The following ANK2 variants were observed in gnomAD, a reference collection of about 807,000 sequenced individuals.
ANK2 encodes the protein ankyrin-2.
ANK2 carries 83 observed loss-of-function variants against 360.5 expected under a neutral mutation model. The ratio of observed to expected loss-of-function variants is 0.23; its 90% CI spans 0.19 to 0.28. The LOEUF (loss-of-function observed/expected upper bound fraction) is 0.28. Ranked by LOEUF, ANK2 falls within the 10% of genes least tolerant of loss-of-function variation. ANK2 has a pLI of 1.00. For synonymous variants in ANK2, 1,740 were observed against 1,759.5 expected, an observed-to-expected ratio of 0.99 and a Z score of 0.28; for missense variants, 4,201 against 4,795.7, an observed-to-expected ratio of 0.88 and a Z score of 3.66.
chr4:112,770,493 G>A, the ANK2 span, among the ~76,000 whole-genome samples: 1 of 152,216 alleles, frequency 6.6e-6, no homozygotes, highest in Admixed American at 6.5e-5. Flanking sequence ...ATCACCTGAT[G>A]TCAGGAGTTC....
chr4:113,347,587 T>C (rs1368110331), intron 35 of ANK2, among the ~76,000 whole-genome samples: 1 of 152,180 alleles, frequency 6.6e-6, no homozygotes, highest in Non-Finnish European at 1.5e-5. Context: ...CAGCTATTAA[T>C]GCTGTGATAG....
chr4:113,254,757 G>C (rs867120076), intron 10 of ANK2, among the ~76,000 whole-genome samples: 42 of 152,210 alleles, frequency 2.8e-4, no homozygotes, highest in African/African-American at 9.6e-4. Context: ...TATTGGGCGG[G>C]GGGCCTTTTC....
chr4:112,831,665 C>G (rs142900494), intron 1 of ANK2, among the ~76,000 whole-genome samples: 26 of 152,286 alleles, frequency 1.7e-4, no homozygotes, highest in African/African-American at 2.9e-4. Flanking sequence ...CAGCACTCCT[C>G]GGGTCCTCTT....
At chr4:112,991,428 C>T (rs1273623549) in intron 2 of ANK2, among the ~76,000 whole-genome samples, 1 of 151,874 alleles carries the variant, frequency 6.6e-6, no homozygotes, top group African/African-American at 2.4e-5. Context: ...GGCTTAAAAC[C>T]CAGAAATTTA....
intron 2 of ANK2, among the ~76,000 whole-genome samples, chr4:113,175,818 G>C (rs140228413): frequency 9.9e-5 from 15 of 152,270 alleles, no homozygotes; most frequent in African/African-American, 3.4e-4. Context: ...CTGGCATAAA[G>C]AGCATTGTCA....
At chr4:113,184,819 A>G (rs895609820) in intron 2 of ANK2, among the ~76,000 whole-genome samples, 12 of 152,020 alleles carry the variant, frequency 7.9e-5, no homozygotes, top group Non-Finnish European at 1.8e-4. Flanking sequence ...TCAACCCATC[A>G]TCTACATTAG....
intron 1 of ANK2, among the ~76,000 whole-genome samples, chr4:113,162,731 G>GTT (rs11348131): frequency 3.8e-5 from 5 of 133,104 alleles, no homozygotes; most frequent in African/African-American, 5.5e-5. Flanking sequence ...GTAGCTAAAG[G>GTT]TTTTTTTTTT....
At chr4:112,944,955 G>T (rs755675881) in intron 2 of ANK2, among the ~76,000 whole-genome samples, 3 of 152,218 alleles carry the variant, frequency 2.0e-5, no homozygotes, top group Admixed American at 1.3e-4. Context: ...TGATAGGCAA[G>T]AATTTATATG....
intron 1 of ANK2, chr4:112,880,304 A>G (rs2076356117): frequency 1.3e-5 from 2 of 152,134 alleles, no homozygotes; most frequent in African/African-American, 4.8e-5. Flanking sequence ...ATTATAGAAT[A>G]TTTCCATCGT....
At chr4:112,712,055 CATAT>C in the ANK2 span, among the ~76,000 whole-genome samples, 63 of 146,328 alleles carry the variant, frequency 4.3e-4, no homozygotes, top group African/African-American at 1.4e-3. Flanking sequence ...CACACACACA[CATAT>C]ATATATATAT....
At chr4:112,763,777 C>T in the ANK2 span, among the ~76,000 whole-genome samples, 1 of 151,994 alleles carries the variant, frequency 6.6e-6, no homozygotes, top group South Asian at 2.1e-4. Flanking sequence ...GCCTCGGCCT[C>T]CCAAAGTGCT....
chr4:113,125,581 A>T (rs548804415), intron 1 of ANK2, among the ~76,000 whole-genome samples: 15 of 152,204 alleles, frequency 9.9e-5, no homozygotes, highest in Non-Finnish European at 1.6e-4. Flanking sequence ...TAAACAAATG[A>T]CCTCAGTTTT....
chr4:113,139,564 G>T (rs542590431), intron 1 of ANK2, among the ~76,000 whole-genome samples: 1 of 152,196 alleles, frequency 6.6e-6, no homozygotes, highest in Non-Finnish European at 1.5e-5. Flanking sequence ...GGAGTGCACA[G>T]TGACTAAATT....
chr4:112,884,690 AAC>A (rs1160391240), intron 1 of ANK2, among the ~76,000 whole-genome samples: 5 of 152,146 alleles, frequency 3.3e-5, no homozygotes, highest in African/African-American at 9.7e-5. Flanking sequence ...GTGTCACAGA[AAC>A]ACAGTGTGTT....
Position 113,280,675 on chromosome 4 carries a change from T to A in ANK2, c.1882-2000T>A, listed in dbSNP as rs139329581. Among the ~76,000 whole-genome samples the A allele has an allele frequency of 2.6e-5, 4 of 152,248 alleles. No individual in the cohort carries two copies. In the East Asian group the frequency reaches 7.7e-4, roughly 29 times the overall value. Reference sequence around the variant, plus strand: ...ACCTTCTCTTAGTCTTTATTGGGAGTGCTGCAATTATTTGAGTCCAAAAAT... The same window carrying A: ...ACCTTCTCTTAGTCTTTATTGGGAGAGCTGCAATTATTTGAGTCCAAAAAT... On this transcript the variant is annotated intron_variant, in intron 17 of 45. Coordinates refer to ENST00000357077, the MANE Select transcript of ANK2 (RefSeq NM_001148.6).
chr4:112,794,706 T>C, the ANK2 span, among the ~76,000 whole-genome samples: 37,668 of 152,112 alleles, frequency 0.25, 5,133 homozygotes, highest in East Asian at 0.53. Context: ...TTCTCTCCCT[T>C]CTCCCCAAAC....
At chr4:113,163,759 C>T (rs202086395) in intron 1 of ANK2, among the ~76,000 whole-genome samples, 1 of 74,672 alleles carries the variant, frequency 1.3e-5, no homozygotes, top group Non-Finnish European at 2.2e-5. Flanking sequence ...AGTGAAACTT[C>T]GTCTCAAAAA....
At chr4:113,193,063 G>A (rs1250239779) in intron 2 of ANK2, among the ~76,000 whole-genome samples, 1 of 152,076 alleles carries the variant, frequency 6.6e-6, no homozygotes, top group African/African-American at 2.4e-5. Context: ...ACTATATAGA[G>A]TGACATCTTC....
intron 2 of ANK2, among the ~76,000 whole-genome samples, chr4:112,916,043 A>G (rs2089716647): frequency 6.6e-6 from 1 of 152,156 alleles, no homozygotes; most frequent in Non-Finnish European, 1.5e-5. Flanking sequence ...TAGATGCTCC[A>G]TTGAGAAAAA....
Sources: gnomAD v4.1 joint callset for allele counts (sites outside exome capture counted in the v4.1 genomes callset) on GRCh38, gnomAD v4.1.1 for gene constraint, MANE v1.5 for transcripts, NCBI Gene and HGNC (gene_info 2026-07-23, HGNC 2026-07-21) for gene names.